ATRNL1: variants seen among roughly 807,000 people sequenced by gnomAD.
The protein encoded by ATRNL1 is attractin-like protein 1.
Under a neutral mutation model 182.7 loss-of-function variants are expected in ATRNL1, and 95 were observed. The observed-to-expected ratio is 0.52, with a 90% CI of 0.44 to 0.62. The LOEUF is 0.62. ATRNL1 is among the 20% of genes least tolerant of loss of function. ATRNL1 has a pLI of 0.00. For synonymous variants in ATRNL1, 576 were observed against 568.3 expected, an observed-to-expected ratio of 1.01 and a Z score of -0.19; for missense variants, 1,471 against 1,679.5, an observed-to-expected ratio of 0.88 and a Z score of 2.17.
intron 26 of ATRNL1, among the ~76,000 whole-genome samples, chr10:115,666,061 G>A (rs1860981192): frequency 6.6e-6 from 1 of 152,086 alleles, no homozygotes; most frequent in Non-Finnish European, 1.5e-5. Context: ...AAGGTTAGAT[G>A]TTCTAAGACA....
At chr10:115,599,634 A>G (rs1417867576) in intron 26 of ATRNL1, among the ~76,000 whole-genome samples, 1 of 152,180 alleles carries the variant, frequency 6.6e-6, no homozygotes, top group East Asian at 1.9e-4. Flanking sequence ...AGTTTTACCT[A>G]TCATTGCTTT....
chr10:115,703,818 T>C (rs954276852), intron 26 of ATRNL1, among the ~76,000 whole-genome samples: 10 of 151,916 alleles, frequency 6.6e-5, no homozygotes, highest in African/African-American at 2.4e-4. Flanking sequence ...AATATCAAAA[T>C]TTACTGTGGA....
chr10:115,292,799 A>G (rs1852982445), intron 15 of ATRNL1, among the ~76,000 whole-genome samples: 2 of 152,092 alleles, frequency 1.3e-5, no homozygotes, highest in Admixed American at 6.5e-5. Flanking sequence ...ATTCCTGGAG[A>G]ATGTTCCACA....
At chr10:115,548,938 CA>C (rs1852815928) in intron 25 of ATRNL1, among the ~76,000 whole-genome samples, 1 of 151,846 alleles carries the variant, frequency 6.6e-6, no homozygotes, top group African/African-American at 2.4e-5. Context: ...GGTTGGGAAC[CA>C]AAGGTTATTT....
intron 20 of ATRNL1, among the ~76,000 whole-genome samples, chr10:115,403,257 CTTTTT>C (rs59256867): frequency 9.3e-6 from 1 of 107,468 alleles, no homozygotes; most frequent in African/African-American, 4.9e-5. Flanking sequence ...TTACTCTCAT[CTTTTT>C]TTTTTTTTTT....
At chr10:115,495,607 C>G (rs1268060665) in intron 24 of ATRNL1, among the ~76,000 whole-genome samples, 1 of 151,984 alleles carries the variant, frequency 6.6e-6, no homozygotes, top group Non-Finnish European at 1.5e-5. Context: ...GGCTGTTTAA[C>G]TTCCATGTGA....
intron 26 of ATRNL1, among the ~76,000 whole-genome samples, chr10:115,634,873 A>T (rs1443580097): frequency 6.6e-6 from 1 of 152,118 alleles, no homozygotes; most frequent in Non-Finnish European, 1.5e-5. Context: ...GAAAACCTTG[A>T]GTTATCAAAA....
chr10:115,516,393 C>A (rs943139080), intron 24 of ATRNL1, among the ~76,000 whole-genome samples: 1 of 148,210 alleles, frequency 6.7e-6, no homozygotes, highest in Non-Finnish European at 1.5e-5. Context: ...AAATTATGTA[C>A]CTAACTACTT....
intron 27 of ATRNL1, 44 bp from the exon 28 acceptor site, chr10:115,847,833 T>C (rs781972403): frequency 1.0e-6 from 1 of 1,001,970 alleles, no homozygotes; most frequent in African/African-American, 1.6e-5. Flanking sequence ...AAAATAGCAA[T>C]GCTATGTCAA....
intron 21 of ATRNL1, among the ~76,000 whole-genome samples, chr10:115,432,817 G>A (rs1489647137): frequency 6.6e-6 from 1 of 151,018 alleles, no homozygotes; most frequent in Non-Finnish European, 1.5e-5. Context: ...AAGTAGTATA[G>A]TTTTTTTTTC....
intron 19 of ATRNL1, among the ~76,000 whole-genome samples, chr10:115,379,926 A>C (rs1221423673): frequency 1.3e-5 from 2 of 152,174 alleles, no homozygotes; most frequent in Admixed American, 1.3e-4. Context: ...TCCCGGGTTC[A>C]CACCCTTCTC....
intron 22 of ATRNL1, among the ~76,000 whole-genome samples, chr10:115,464,187 T>C (rs1338817105): frequency 1.3e-5 from 2 of 152,060 alleles, no homozygotes; most frequent in South Asian, 2.1e-4. Context: ...AGAATTCTTA[T>C]AATATCATTT....
At chr10:115,318,520 G>GTTGGTAGGTCCT (rs1429541461) in intron 18 of ATRNL1, among the ~76,000 whole-genome samples, 2 of 152,002 alleles carry the variant, frequency 1.3e-5, no homozygotes, top group African/African-American at 4.8e-5. Context: ...TCTGGTCCTG[G>GTTGGTAGGTCCT]GCTTTTTTTG....
At chr10:115,190,653 A>G (rs754201381) in intron 8 of ATRNL1, among the ~76,000 whole-genome samples, 17 of 152,132 alleles carry the variant, frequency 1.1e-4, no homozygotes, top group Non-Finnish European at 2.2e-4. Flanking sequence ...ATGTGTAATG[A>G]TCAAATCAGG....
chr10:115,783,833 T>C (rs987277755), intron 27 of ATRNL1, among the ~76,000 whole-genome samples: 5 of 152,012 alleles, frequency 3.3e-5, no homozygotes, highest in Admixed American at 3.3e-4. Flanking sequence ...GCCAACACAG[T>C]GTAACCCCGT....
At chr10:115,256,225 T>C (rs916261339) in intron 10 of ATRNL1, among the ~76,000 whole-genome samples, 2 of 152,176 alleles carry the variant, frequency 1.3e-5, no homozygotes, top group African/African-American at 4.8e-5. Flanking sequence ...CCAGCTCCTC[T>C]TTGTACCTCT....
intron 19 of ATRNL1, among the ~76,000 whole-genome samples, chr10:115,377,064 T>G (rs1554949737): frequency 6.6e-6 from 1 of 152,194 alleles, no homozygotes; most frequent in Non-Finnish European, 1.5e-5. Flanking sequence ...TTTGTTCTTT[T>G]TATTGTTTAC....
At chr10:115,388,982 C>T (rs1401920857) in intron 19 of ATRNL1, among the ~76,000 whole-genome samples, 1 of 152,016 alleles carries the variant, frequency 6.6e-6, no homozygotes, top group Non-Finnish European at 1.5e-5. Flanking sequence ...AATATATATT[C>T]TGTCCAGTAG....
intron 24 of ATRNL1, among the ~76,000 whole-genome samples, chr10:115,504,190 T>A (rs2133644906): frequency 6.6e-6 from 1 of 152,192 alleles, no homozygotes; most frequent in East Asian, 1.9e-4. Context: ...AGATTGTGTA[T>A]GAAAACTGAA....
Sources: gnomAD v4.1 joint callset for allele counts (sites outside exome capture counted in the v4.1 genomes callset) on GRCh38, gnomAD v4.1.1 for gene constraint, MANE v1.5 for transcripts, NCBI Gene and HGNC (gene_info 2026-07-23, HGNC 2026-07-21) for gene names.